Variants in PASK observed in about 807,000 individuals in gnomAD.
The protein encoded by PASK is PAS domain-containing serine/threonine-protein kinase.
In PASK, 110 loss-of-function variants were observed where a neutral mutation model predicts 121.0. That is an observed-to-expected ratio of 0.91 (90% CI 0.78 to 1.06). The LOEUF (loss-of-function observed/expected upper bound fraction) is 1.06, where lower values mean the gene tolerates loss of function less well. Among genes scored for constraint, PASK ranks in the 50% least tolerant of loss-of-function variants. PASK has a pLI of 0.00. For synonymous variants in PASK, 686 were observed against 717.8 expected, an observed-to-expected ratio of 0.96 and a Z score of 0.71; for missense variants, 1,643 against 1,702.3, an observed-to-expected ratio of 0.97 and a Z score of 0.61.
In PASK at chr2:241,108,327, G is replaced by A. The variant is rs147217187; in HGVS notation, c.3534-27C>T. On this transcript the variant is annotated intron_variant, in intron 15 of 17. Transcript: ENST00000234040. This position sits in a 1 kb window ranked among gnomAD's most constrained non-coding sequence, Gnocchi z 5.2. The stretch of plus-strand genomic sequence containing the variant: ...TGTGAGGAGGAGGAGGCATCAGGAC[G>A]CCACGGCACTCAGCGCAGGCTTGCC... The A allele has an allele frequency of 5.8e-5, 93 of 1,613,116 alleles. No homozygotes were observed. The highest frequency in any genetic ancestry group is 1.5e-4 in the South Asian group (14 of 91,080).
intron 10 of PASK, among the ~76,000 whole-genome samples, chr2:241,125,972 G>A (rs2125426576): frequency 6.6e-6 from 1 of 152,338 alleles, no homozygotes; most frequent in Middle Eastern, 3.4e-3. Flanking sequence ...GACGGGCATG[G>A]GGCAGGTGGC....
chr2:241,126,259 G>A lies in PASK; in HGVS notation c.2656C>T (p.Gln886Ter). ...TAGGCACCCTCCTGGATCTCCCGCT[G>A]CAGGCCAGCAGCCCCGCGCATCACG... ...VIVMRGAAGL[Q>*]REIQEGAYSG... Residue 886 changes from glutamine to a stop codon, truncating the protein, a stop_gained, in exon 10 of 18, where the codon CAG becomes TAG. Transcript: ENST00000234040. LOFTEE classifies it high-confidence loss of function. The A allele has an allele frequency of 1.2e-6, 2 of 1,614,160 alleles. No homozygotes were observed. The highest frequency in any genetic ancestry group is 1.7e-6 in the Non-Finnish European group (2 of 1,180,026).
In PASK at chr2:241,117,319, G is replaced by A. The variant is rs529075346; in HGVS notation, c.3073-1906C>T. 1.3e-4 allele frequency among the ~76,000 whole-genome samples: 20 copies of A among 152,328 alleles called. No individual in the cohort carries two copies. In the South Asian group the frequency reaches 3.1e-3, roughly 24 times the overall value. On this transcript the variant is annotated intron_variant, in intron 12 of 17. Transcript: ENST00000234040. ...TGAGACTGAGGGAAAGCAAGAAGACGAGGGGAAGCAGGCTGTGGTCCTGAG... is the reference window on the plus strand; with the variant it reads ...TGAGACTGAGGGAAAGCAAGAAGACAAGGGGAAGCAGGCTGTGGTCCTGAG...
intron 8 of PASK, 52 bp from the exon 9 acceptor site, chr2:241,133,082 AC>A: frequency 6.4e-7 from 1 of 1,565,326 alleles, no homozygotes; most frequent in Non-Finnish European, 8.8e-7. Context: ...ACTCCCTAAA[AC>A]GAATCTGCTC....
At chr2:241,118,767 C>T in intron 12 of PASK, 1 of 298,868 alleles carries the variant, frequency 3.3e-6, no homozygotes, top group Non-Finnish European at 6.0e-6. Flanking sequence ...TGGCAGGGGC[C>T]CACGGCGCAG....
At chr2:241,140,796 G>T in intron 2 of PASK, 43 bp from the exon 3 acceptor site, 2 of 1,318,932 alleles carry the variant, frequency 1.5e-6, no homozygotes, top group Non-Finnish European at 2.2e-6. Flanking sequence ...TCACACAGCT[G>T]CCAGAGTCCA....
chr2:241,115,093 C>G lies in PASK; in HGVS notation c.3283G>C (p.Asp1095His). ...GSGLDLFAFI[D>H]RHPRLDEPLA... ...GGCTCATCCAGCCTGGGGTGGCGGT[C>G]GATGAAAGCGAAGAGGTCTAGGCCG... The change falls in exon 14 of 18, where the codon GAC becomes CAC. Residue 1095 changes from aspartate to histidine, a missense_variant. Asp to His is a moderately conservative substitution (Grantham distance 81). Transcript: ENST00000234040. 6.2e-7 allele frequency: 1 copy of G among 1,614,046 alleles called. No homozygotes were observed. Among genetic ancestry groups the G allele is most frequent in the Non-Finnish European group, 8.5e-7 (1 of 1,179,980 alleles).
chr2:241,130,048 C>T (rs1414410142), intron 9 of PASK, among the ~76,000 whole-genome samples: 2 of 152,224 alleles, frequency 1.3e-5, no homozygotes, highest in African/African-American at 2.4e-5. Flanking sequence ...AAGCACCCAA[C>T]GTAGTCCCTA....
Position 241,137,093 on chromosome 2 carries a change from T to C in PASK, c.1048A>G (p.Thr350Ala). ...WVFCTISGLITLLPDGTIHGI... is the reference protein window; with the variant it reads ...WVFCTISGLIALLPDGTIHGI... ...TGGATGGTCCCATCCGGCAGGAGGG[T>C]GATGAGGCCACTGATGGTGCAGAAC... is the stretch of plus-strand genomic sequence containing the variant. The change falls in exon 7 of 18, where the codon ACC becomes GCC. Residue 350 changes from threonine to alanine, a missense_variant. By Grantham distance (58) the Thr-to-Ala change is moderately conservative. Transcript: ENST00000234040. 1 of 1,612,818 alleles carries C rather than the reference T, an allele frequency of 6.2e-7. No homozygotes were observed. The highest frequency in any genetic ancestry group is 8.5e-7 in the Non-Finnish European group (1 of 1,179,736).
Position 241,130,821 on chromosome 2 carries a change from G to A in PASK, c.1463+2053C>T, listed in dbSNP as rs989643962. 9.2e-5 allele frequency among the ~76,000 whole-genome samples: 14 copies of A among 152,178 alleles called. No homozygotes were observed. In the East Asian group the frequency reaches 1.9e-3, roughly 21 times the overall value. On this transcript the variant is annotated intron_variant, in intron 9 of 17. Coordinates refer to ENST00000234040, the MANE Select transcript of PASK (RefSeq NM_015148.4). Reference sequence around the variant, plus strand: ...GTGCCATCCAGGAGGCTTCGGTTCCGAGGAGGCCTGTAGAGGAAGATCTGC... The same window carrying A: ...GTGCCATCCAGGAGGCTTCGGTTCCAAGGAGGCCTGTAGAGGAAGATCTGC...
chr2:241,126,229 C>T lies in PASK; in HGVS notation c.2686G>A (p.Gly896Arg), dbSNP rs534891436. 6.8e-6 allele frequency: 11 copies of T among 1,614,044 alleles called. No individual in the cohort carries two copies. In the East Asian group the frequency reaches 1.1e-4, roughly 16 times the overall value. ...AAGCCATCTCGATGGTAGCAGCTCC[C>T]GGAGTAGGCACCCTCCTGGATCTCC... ...QREIQEGAYS[G>R]SCYHRDGLRL... The change falls in exon 10 of 18, where the codon GGG becomes AGG. Residue 896 changes from glycine (G) to arginine (R), a missense_variant. Physicochemically the swap from Gly to Arg is moderately radical, Grantham distance 125. This residue lies in a region of PASK where 1,176 missense variants were observed against 1,162.2 expected (regional missense o/e 1.01). Transcript: ENST00000234040.
At chr2:241,147,821 T>C (rs2067030734) in intron 1 of PASK, among the ~76,000 whole-genome samples, 1 of 152,166 alleles carries the variant, frequency 6.6e-6, no homozygotes, top group Admixed American at 6.5e-5. Context: ...ATTAGGTTAC[T>C]GAGAGTTACA....
chr2:241,114,653 C>T, intron 14 of PASK: 8 of 1,149,834 alleles, frequency 7.0e-6, no homozygotes, highest in Non-Finnish European at 8.6e-6. Context: ...ACCTCAACAG[C>T]CACCATTTAG....
rs755633365 is a variant in PASK at position 241,108,139 on chromosome 2, C to T, written c.3667+28G>A. 13 of 1,613,722 alleles carry T rather than the reference C, an allele frequency of 8.1e-6. No individual in the cohort carries two copies. Among genetic ancestry groups the T allele is most frequent in the Non-Finnish European group, 1.1e-5 (13 of 1,179,622 alleles). ...GGCTGGTCTCTAAGGACAGTGTCGA[C>T]TGTCTACCACTTGCAGCTCACGCTC... On this transcript the variant is annotated intron_variant, in intron 16 of 17. Transcript: ENST00000234040. The surrounding 1 kb of genome is among the most constrained non-coding windows in gnomAD (Gnocchi z 5.2).
At position 241,126,671 on chromosome 2, in the gene PASK, G is replaced by GA. The variant is rs2065880693; in HGVS notation, c.2243dup (p.Ser749GlnfsTer2). Reference sequence around the variant, plus strand: ...ATGACGTTTGGTCTGTCTGGTCACTGAAAAAGAGTTCCTTGAGGTTCCAGG... The same window carrying GA: ...ATGACGTTTGGTCTGTCTGGTCACTGAAAAAAGAGTTCCTTGAGGTTCCAGG... On this transcript the variant is annotated frameshift_variant, in exon 10 of 18. Transcript: ENST00000234040. LOFTEE classifies it high-confidence loss of function. The GA allele has an allele frequency of 4.3e-6, 7 of 1,614,078 alleles. No homozygotes were observed. The highest frequency in any genetic ancestry group is 2.7e-5 in the African/African-American group (2 of 74,938).
chr2:241,138,632 T>C (rs760968007), intron 5 of PASK, 22 bp downstream of exon 5: 23 of 1,613,528 alleles, frequency 1.4e-5, no homozygotes, highest in Non-Finnish European at 1.9e-5. Flanking sequence ...CCATGAGACA[T>C]GAGGCAAAGT....
intron 11 of PASK, among the ~76,000 whole-genome samples, chr2:241,123,673 C>T (rs1343929399): frequency 6.6e-6 from 1 of 152,006 alleles, no homozygotes; most frequent in African/African-American, 2.4e-5. Flanking sequence ...ACAAAATTAG[C>T]CAGGCGTGGT....
At chr2:241,133,196 C>A in intron 8 of PASK, 166 bp from the exon 9 acceptor site, 1 of 700,350 alleles carries the variant, frequency 1.4e-6, no homozygotes, top group South Asian at 1.5e-5. Context: ...TCTTCTCTGC[C>A]TCCTGTCTCC....
Position 241,140,064 on chromosome 2 carries a change from T to C in PASK, c.430-9A>G, listed in dbSNP as rs2066631848. 6.2e-7 allele frequency: 1 copy of C among 1,612,858 alleles called. No individual in the cohort carries two copies. The highest frequency in any genetic ancestry group is 8.5e-7 in the Non-Finnish European group (1 of 1,179,140). On this transcript the variant is annotated splice_polypyrimidine_tract_variant and intron_variant, in intron 3 of 17. Coordinates refer to ENST00000234040, the MANE Select transcript of PASK (RefSeq NM_015148.4). ...TCGTTAGCAACCAGGATCTGAGGAA[T>C]CACAAAGAGGAGCAAGGATGCAGAC...
Sources: allele counts gnomAD v4.1 joint callset (sites outside exome capture counted in the v4.1 genomes callset), GRCh38; gene constraint gnomAD v4.1.1; regional missense constraint gnomAD v4.1.1; non-coding constraint Gnocchi (gnomAD v3.1); transcripts MANE v1.5; gene names NCBI Gene and HGNC (gene_info 2026-07-23, HGNC 2026-07-21).